Variants in OSBPL6 observed in about 807,000 individuals in gnomAD.
The protein encoded by OSBPL6 is oxysterol-binding protein-related protein 6.
Under a neutral mutation model 125.8 loss-of-function variants are expected in OSBPL6, and 49 were observed. That is an observed-to-expected ratio of 0.39 (90% CI 0.31 to 0.49). OSBPL6 has a LOEUF of 0.49. OSBPL6 is among the 20% of genes least tolerant of loss of function. OSBPL6 has a pLI of 0.88. For synonymous variants in OSBPL6, 394 were observed against 391.8 expected (o/e 1.01, Z -0.07); for missense variants, 986 against 1,135.4 (o/e 0.87, Z 1.89).
chr2:178,397,249 G>T lies in OSBPL6; in HGVS notation c.*1690G>T, dbSNP rs1695904222. 6.6e-6 allele frequency: 1 copy of T among 152,180 alleles called. No homozygotes were observed. The highest frequency in any genetic ancestry group is 1.5e-5 in the Non-Finnish European group (1 of 68,026). 9.4% of individuals were successfully genotyped at this position (152,180 alleles called of 1,614,324 possible). A position where few individuals can be genotyped will look rare whatever the true frequency, so the allele number is the denominator to read the frequency against. On this transcript the variant is annotated 3_prime_UTR_variant, in exon 25 of 25. Transcript: ENST00000190611. The stretch of plus-strand genomic sequence containing the variant: ...TCCAAAACTCCTCCCTTGCATCTGA[G>T]TTTTTATGTTATGTGTACAGTCTGC...
At chr2:178,308,084 C>G (rs1686944766) in intron 3 of OSBPL6, among the ~76,000 whole-genome samples, 1 of 152,124 alleles carries the variant, frequency 6.6e-6, no homozygotes, top group African/African-American at 2.4e-5. Context: ...GGTTATTATT[C>G]TTTAAGGAGA....
rs934833362 is a variant in OSBPL6, at chr2:178,396,077, A to G, written c.*518A>G. On this transcript the variant is annotated 3_prime_UTR_variant, in exon 25 of 25. Transcript: ENST00000190611. The stretch of plus-strand genomic sequence containing the variant: ...TGTCGAAAAAGATGTGATGCTTCTC[A>G]GAACCTGTTCCATCTGTATGCCATT... 23 of 222,508 alleles carry G rather than the reference A, an allele frequency of 1.0e-4. No homozygotes were observed. Among genetic ancestry groups the G allele is most frequent in the Admixed American group, 3.5e-4 (7 of 20,120 alleles). 13.8% of individuals were successfully genotyped at this position (222,508 alleles called of 1,614,324 possible).
At chr2:178,239,587 CTTTATTTTA>C (rs2091202453) in intron 1 of OSBPL6, among the ~76,000 whole-genome samples, 1 of 143,918 alleles carries the variant, frequency 6.9e-6, no homozygotes, top group Non-Finnish European at 1.5e-5. Flanking sequence ...ATTTAATGAA[CTTTATTTTA>C]TTTATTTATT....
rs185366292 is a variant in OSBPL6, at chr2:178,309,501, A to G, written c.102+3215A>G. Reference sequence around the variant, plus strand: ...GTAAAACAAAGAACATCTGTGCATAATAGTAATTACCTGTCCTTCCTGTCA... The same window carrying G: ...GTAAAACAAAGAACATCTGTGCATAGTAGTAATTACCTGTCCTTCCTGTCA... On this transcript the variant is annotated intron_variant, in intron 3 of 24. Transcript: ENST00000190611. 3.3e-5 allele frequency among the ~76,000 whole-genome samples: 5 copies of G among 152,328 alleles called. No individual in the cohort carries two copies. The South Asian group carries it at 1.0e-3, about 32-fold the overall frequency.
At chr2:178,238,761 C>T (rs2091164639) in intron 1 of OSBPL6, among the ~76,000 whole-genome samples, 1 of 152,172 alleles carries the variant, frequency 6.6e-6, no homozygotes, top group African/African-American at 2.4e-5. Flanking sequence ...AGGCTTGGTA[C>T]TATCCATGGT....
At chr2:178,372,417 C>T (rs1313942362) in intron 14 of OSBPL6, among the ~76,000 whole-genome samples, 184 bp downstream of exon 14, 1 of 152,058 alleles carries the variant, frequency 6.6e-6, no homozygotes, top group African/African-American at 2.4e-5. Flanking sequence ...ATCATTTATA[C>T]CTGGTGATCA....
chr2:178,333,120 C>T (rs891074127), intron 8 of OSBPL6, 79 bp downstream of exon 8: 14 of 1,489,360 alleles, frequency 9.4e-6, no homozygotes, highest in Middle Eastern at 1.8e-4. Context: ...CTGTGGCTCA[C>T]GTGTGTAATC....
At chr2:178,228,433 G>C (rs1453088435) in intron 1 of OSBPL6, among the ~76,000 whole-genome samples, 1 of 152,214 alleles carries the variant, frequency 6.6e-6, no homozygotes, top group Non-Finnish European at 1.5e-5. Flanking sequence ...TACTCGGGAG[G>C]CTGAGGCAGA....
At chr2:178,245,555 A>T (rs1430028911) in intron 1 of OSBPL6, among the ~76,000 whole-genome samples, 1 of 152,160 alleles carries the variant, frequency 6.6e-6, no homozygotes. Flanking sequence ...ACTATGTTAG[A>T]CCCAGTGTGG....
intron 12 of OSBPL6, among the ~76,000 whole-genome samples, chr2:178,358,975 G>A (rs775266581): frequency 3.9e-5 from 6 of 152,044 alleles, no homozygotes; most frequent in Non-Finnish European, 7.4e-5. Flanking sequence ...TTCGAGACAA[G>A]CATGAGCAAC....
intron 4 of OSBPL6, among the ~76,000 whole-genome samples, chr2:178,327,193 G>A (rs184565589): frequency 2.3e-4 from 35 of 152,228 alleles, no homozygotes; most frequent in Non-Finnish European, 4.4e-4. Flanking sequence ...AAAGAAATTA[G>A]TAGTTAGTAG....
chr2:178,237,484 C>A (rs2091104504), intron 1 of OSBPL6, among the ~76,000 whole-genome samples: 1 of 152,156 alleles, frequency 6.6e-6, no homozygotes, highest in East Asian at 1.9e-4. Context: ...GCCCACCCAT[C>A]TGTTTCTTTC....
intron 3 of OSBPL6, among the ~76,000 whole-genome samples, chr2:178,308,225 A>T (rs1359495121): frequency 2.6e-5 from 4 of 152,226 alleles, no homozygotes; most frequent in Non-Finnish European, 4.4e-5. Context: ...GAAGAGATCA[A>T]TTACAGTTCT....
At chr2:178,344,437 T>C (rs1690512446) in intron 11 of OSBPL6, 1 of 1,364,456 alleles carries the variant, frequency 7.3e-7, no homozygotes, top group East Asian at 2.3e-5. Context: ...CCTGTCCTGA[T>C]GGTGCCACTG....
intron 3 of OSBPL6, among the ~76,000 whole-genome samples, chr2:178,312,581 G>A (rs62176076): frequency 0.14 from 20,980 of 151,470 alleles, 1,684 homozygotes; most frequent in Admixed American, 0.23. Flanking sequence ...TCAGCCTCCC[G>A]AGTAGCTGGG....
chr2:178,308,404 C>T (rs1686972480), intron 3 of OSBPL6, among the ~76,000 whole-genome samples: 1 of 152,212 alleles, frequency 6.6e-6, no homozygotes, highest in Admixed American at 6.5e-5. Flanking sequence ...ATAAATTTGG[C>T]TTCATTGAAT....
In OSBPL6 at chr2:178,373,982, T is replaced by C. The variant is rs1370949165; in HGVS notation, c.1488T>C (p.Phe496=). The C allele has an allele frequency of 3.1e-6, 5 of 1,614,076 alleles. No individual in the cohort carries two copies. The highest frequency in any genetic ancestry group is 8.5e-7 in the Non-Finnish European group (1 of 1,180,010). The change falls in exon 15 of 25, where the codon TTT becomes TTC. Residue 496 remains phenylalanine (F), a synonymous_variant. Transcript: ENST00000190611. ...TGTCAGAGTCTGTTTCTGAGTTCTT[T>C]GATGCCCAAGAGGTGCTCCTCTCTG... ...LSMSESVSEF[F]DAQEVLLSAS...
chr2:178,261,253 G>T (rs1448422949), intron 1 of OSBPL6, among the ~76,000 whole-genome samples: 3 of 152,060 alleles, frequency 2.0e-5, no homozygotes, highest in East Asian at 1.9e-4. Flanking sequence ...TCAAAATGGT[G>T]GTTCTTTGAG....
intron 13 of OSBPL6, among the ~76,000 whole-genome samples, chr2:178,367,449 T>C (rs1268431134): frequency 6.6e-6 from 1 of 152,228 alleles, no homozygotes; most frequent in Non-Finnish European, 1.5e-5. Context: ...TGATTTCATC[T>C]TGCCATATGT....
Sources: gnomAD v4.1 joint callset for allele counts (sites outside exome capture counted in the v4.1 genomes callset) on GRCh38, gnomAD v4.1.1 for gene constraint, MANE v1.5 for transcripts, NCBI Gene and HGNC (gene_info 2026-07-23, HGNC 2026-07-21) for gene names.